C20orf204: variants seen among roughly 807,000 people sequenced by gnomAD.
C20orf204 encodes the protein chromosome 20 open reading frame 204.
C20orf204 carries 6 observed loss-of-function variants against 3.6 expected under a neutral mutation model. That is an observed-to-expected ratio of 1.68 (90% confidence interval 0.92 to 3.31). The LOEUF is 3.31. C20orf204 is among the 30% of genes most tolerant of loss of function. The pLI, the probability that C20orf204 is intolerant of heterozygous loss-of-function variation, is 0.00. For synonymous variants in C20orf204, 80 were observed against 41.4 expected, an observed-to-expected ratio of 1.93 and a Z score of -3.58; for missense variants, 167 against 89.7, an observed-to-expected ratio of 1.86 and a Z score of -3.48.
upstream of C20orf204, among the ~76,000 whole-genome samples, chr20:64,033,828 T>C (rs768517663): frequency 2.0e-5 from 3 of 152,236 alleles, no homozygotes; most frequent in Non-Finnish European, 2.9e-5. Context: ...TTTGCTAATT[T>C]ATCATTCGCA....
chr20:64,038,807 G>A lies in C20orf204; in HGVS notation c.*48G>A. 1.4e-6 allele frequency: 1 copy of A among 698,326 alleles called. No homozygotes were observed. Among genetic ancestry groups the A allele is most frequent in the South Asian group, 1.5e-5 (1 of 66,286 alleles). The allele number at this position is 698,326 out of a possible 1,614,324, so 43.3% of individuals were successfully genotyped here. On this transcript the variant is annotated 3_prime_UTR_variant, in exon 4 of 4. Coordinates refer to ENST00000636176, the MANE Select transcript of C20orf204 (RefSeq NM_001387010.1). ...CGGGGAGGAGAACCAGCGGGGCCGC[G>A]GCAGAGCCTGGAGACGCGCCTCGTT... is the stretch of plus-strand genomic sequence containing the variant.
At chr20:64,035,137 A>G (rs1471178255), upstream of C20orf204, 1 of 152,236 alleles carries the variant, frequency 6.6e-6, no homozygotes, top group African/African-American at 2.4e-5. Flanking sequence ...GTTGTGCGCC[A>G]CTTAACAGTG....
At position 64,038,442 on chromosome 20, in the gene C20orf204, G is replaced by A. The variant is rs958183519; in HGVS notation, c.426G>A (p.Leu142=). ...EAVMRRHCRT[L]RQRSRRPKMR... ...TGATGCGGCGCCACTGCAGGACGCT[G>A]CGCCAGGTGTGCGTCCCTGAGTGCA... Residue 142 remains leucine (L), a synonymous_variant, in exon 3 of 4, where the codon CTG becomes CTA. Coordinates refer to ENST00000636176, the MANE Select transcript of C20orf204 (RefSeq NM_001387010.1). 1.3e-6 allele frequency: 1 copy of A among 761,970 alleles called. No individual in the cohort carries two copies. The highest frequency in any genetic ancestry group is 1.7e-5 in the Admixed American group (1 of 57,456). The allele number at this position is 761,970 out of a possible 1,614,324, so 47.2% of individuals were successfully genotyped here.
intron 2 of C20orf204, 22 bp downstream of exon 2, chr20:64,038,224 C>T: frequency 1.4e-6 from 1 of 724,722 alleles, no homozygotes; most frequent in Non-Finnish European, 2.6e-6. Flanking sequence ...GCGCCCCTAC[C>T]CAAGCTCGCC....
Position 64,038,915 on chromosome 20 carries a change from C to T in C20orf204, c.*156C>T, listed in dbSNP as rs1159678212. Reference sequence around the variant, plus strand: ...GGCCCAGGACTTGGAGAAGGGAGCGCGCCTGGCCGCCGCTGGGTCACGGAG... The same window carrying T: ...GGCCCAGGACTTGGAGAAGGGAGCGTGCCTGGCCGCCGCTGGGTCACGGAG... On this transcript the variant is annotated 3_prime_UTR_variant, in exon 4 of 4. Coordinates refer to ENST00000636176, the MANE Select transcript of C20orf204 (RefSeq NM_001387010.1). 2.8e-6 allele frequency: 2 copies of T among 726,808 alleles called. No homozygotes were observed. The highest frequency in any genetic ancestry group is 1.5e-5 in the South Asian group (1 of 68,728). 45.0% of individuals were successfully genotyped at this position (726,808 alleles called of 1,614,324 possible).
chr20:64,037,828 G>A, intron 1 of C20orf204, 99 bp from the exon 2 acceptor site: 1 of 405,572 alleles, frequency 2.5e-6, no homozygotes, highest in South Asian at 1.1e-4. Context: ...GGGTGGGGCA[G>A]GGGGTGGGGC....
upstream of C20orf204, chr20:64,035,370 C>T (rs373489989): frequency 1.1e-4 from 16 of 152,360 alleles, no homozygotes; most frequent in African/African-American, 3.8e-4. Flanking sequence ...TGTTACAATC[C>T]TAGGGGACTC....
At chr20:64,034,148 G>A (rs554652171), upstream of C20orf204, among the ~76,000 whole-genome samples, 2 of 152,300 alleles carry the variant, frequency 1.3e-5, no homozygotes, top group Admixed American at 1.3e-4. Context: ...GGAGGCTGCT[G>A]GAGAGCAGCT....
chr20:64,036,391 C>A, intron 1 of C20orf204, 65 bp downstream of exon 1: 1 of 152,736 alleles, frequency 6.5e-6, no homozygotes, highest in Non-Finnish European at 1.5e-5. Flanking sequence ...GGGGTACACA[C>A]AGCTCAGGAG....
chr20:64,038,246 C>A, intron 2 of C20orf204, 44 bp downstream of exon 2: 1 of 742,780 alleles, frequency 1.3e-6, no homozygotes. Flanking sequence ...GCCTGCTCCT[C>A]TCTCAGTTTC....
intron 1 of C20orf204, chr20:64,037,700 T>C (rs2059342772): frequency 2.5e-6 from 1 of 395,152 alleles, no homozygotes; most frequent in South Asian, 1.4e-4. Flanking sequence ...GCAGGGAGCA[T>C]AGAACTGTCT....
upstream of C20orf204, chr20:64,036,176 C>T (rs556501540): frequency 6.5e-6 from 1 of 152,672 alleles, no homozygotes; most frequent in African/African-American, 2.4e-5. Context: ...CCTGGCCTGC[C>T]CCTCTGCAGT....
Position 64,038,123 on chromosome 20 carries a change from A to G in C20orf204, c.200A>G (p.His67Arg). Residue 67 changes from histidine (H) to arginine (R), a missense_variant, in exon 2 of 4, where the codon CAT (histidine) becomes CGT (arginine). Coordinates refer to ENST00000636176, the MANE Select transcript of C20orf204 (RefSeq NM_001387010.1). ...EKTRPGSRHF[H>R]FIQKNLTRPG... ...ACCAGGCCAGGCTCCAGACACTTTC[A>G]TTTCATACAGAAAAACCTGACTAGA... 1 of 549,922 alleles carries G rather than the reference A, an allele frequency of 1.8e-6. No homozygotes were observed. The highest frequency in any genetic ancestry group is 3.3e-6 in the Non-Finnish European group (1 of 303,704). The allele number at this position is 549,922 out of a possible 1,614,324, so 34.1% of individuals were successfully genotyped here.
Position 64,038,366 on chromosome 20 carries a change from G to A in C20orf204, c.350G>A (p.Arg117His). 1.3e-6 allele frequency: 1 copy of A among 765,702 alleles called. No individual in the cohort carries two copies. Among genetic ancestry groups the A allele is most frequent in the Non-Finnish European group, 2.4e-6 (1 of 412,642 alleles). 47.4% of individuals were successfully genotyped at this position (765,702 alleles called of 1,614,324 possible). The part of the protein sequence containing the change: ...TLRGAVAGGR[R>H]GALERAAWTV... The stretch of plus-strand genomic sequence containing the variant: ...CGCGGGGCGGTGGCCGGGGGCCGCC[G>A]CGGGGCCCTGGAGAGAGCTGCTTGG... Residue 117 changes from arginine (R) to histidine (H), a missense_variant, in exon 3 of 4, where the codon CGC (arginine) becomes CAC (histidine). Transcript: ENST00000636176.
chr20:64,038,281 C>A lies in C20orf204; in HGVS notation c.280-15C>A. 1.3e-6 allele frequency: 1 copy of A among 749,056 alleles called. No individual in the cohort carries two copies. Among genetic ancestry groups the A allele is most frequent in the East Asian group, 2.6e-5 (1 of 37,930 alleles). The allele number at this position is 749,056 out of a possible 1,614,324, so 46.4% of individuals were successfully genotyped here. Reference sequence around the variant, plus strand: ...CCCCCCACCCCCACCCCGCCTTCCTCCCTTCCCTCCCCAGGAGCACAGTAT... The same window carrying A: ...CCCCCCACCCCCACCCCGCCTTCCTACCTTCCCTCCCCAGGAGCACAGTAT... On this transcript the variant is annotated splice_polypyrimidine_tract_variant and intron_variant, in intron 2 of 3. Transcript: ENST00000636176.
At chr20:64,034,907 C>T (rs1031891096), upstream of C20orf204, 2 of 152,252 alleles carry the variant, frequency 1.3e-5, no homozygotes, top group African/African-American at 2.4e-5. Flanking sequence ...GAAACCGAGG[C>T]GTAGGAAGGA....
At chr20:64,033,898 A>T (rs760360092), upstream of C20orf204, among the ~76,000 whole-genome samples, 1 of 152,140 alleles carries the variant, frequency 6.6e-6, no homozygotes, top group Non-Finnish European at 1.5e-5. Context: ...GATGGTTCTC[A>T]TCTCTAGGTT....
chr20:64,037,531 G>C (rs1233687353), intron 1 of C20orf204: 1 of 178,208 alleles, frequency 5.6e-6, no homozygotes, highest in Non-Finnish European at 1.2e-5. Flanking sequence ...GCTCTGTGCG[G>C]TCCTGAGGGT....
upstream of C20orf204, chr20:64,035,517 G>A (rs948412208): frequency 6.6e-6 from 1 of 152,236 alleles, no homozygotes; most frequent in Non-Finnish European, 1.5e-5. Context: ...CTCGTGTTCT[G>A]AGGTGCCTCT....
Sources: gnomAD v4.1 joint callset for allele counts (sites outside exome capture counted in the v4.1 genomes callset) on GRCh38, gnomAD v4.1.1 for gene constraint, MANE v1.5 for transcripts, NCBI Gene and HGNC (gene_info 2026-07-23, HGNC 2026-07-21) for gene names.